The following QRICH1 variants were observed in gnomAD, a reference collection of about 807,000 sequenced individuals.
The protein encoded by QRICH1 is transcriptional regulator QRICH1.
Under a neutral mutation model 87.1 loss-of-function variants are expected in QRICH1, and 16 were observed. The observed-to-expected ratio is 0.18, with a 90% CI of 0.12 to 0.28. QRICH1 has a LOEUF of 0.28. Ranked by LOEUF, QRICH1 falls within the 10% of genes least tolerant of loss-of-function variation. QRICH1 has a pLI of 1.00. For synonymous variants in QRICH1, 367 were observed against 368.4 expected, an observed-to-expected ratio of 1.00 and a Z score of 0.05; for missense variants, 647 against 951.7, an observed-to-expected ratio of 0.68 and a Z score of 4.21.
At chr3:49,083,718 T>C (rs1205930177) in intron 1 of QRICH1, among the ~76,000 whole-genome samples, 1 of 151,652 alleles carries the variant, frequency 6.6e-6, no homozygotes, top group Non-Finnish European at 1.5e-5. Flanking sequence ...CAATGAGCTA[T>C]GATCATGCCA....
intron 9 of QRICH1, among the ~76,000 whole-genome samples, chr3:49,031,073 G>A (rs2093235093): frequency 2.1e-5 from 3 of 143,084 alleles, no homozygotes; most frequent in African/African-American, 2.6e-5. Flanking sequence ...TGCAACCTCC[G>A]CCCCCTTGGT....
intron 2 of QRICH1, among the ~76,000 whole-genome samples, chr3:49,067,850 C>T (rs943929169): frequency 5.3e-5 from 8 of 151,658 alleles, no homozygotes; most frequent in African/African-American, 4.8e-5. Flanking sequence ...GCTCAGAAGG[C>T]GGAGGCAGGA....
At position 49,030,441 on chromosome 3, in the gene QRICH1, G is replaced by A; in HGVS notation, c.*11C>T. 6.2e-7 allele frequency: 1 copy of A among 1,611,562 alleles called. No homozygotes were observed. The highest frequency in any genetic ancestry group is 8.5e-7 in the Non-Finnish European group (1 of 1,179,342). ...CCTGGCTGGTTTCTCTTGTGCCATG[G>A]CCAAGGCATCTCAGTGCATAGTGCT... On this transcript the variant is annotated 3_prime_UTR_variant, in exon 10 of 10. Transcript: ENST00000395443.
chr3:49,081,866 G>C (rs942092411), intron 1 of QRICH1, among the ~76,000 whole-genome samples: 1 of 151,260 alleles, frequency 6.6e-6, no homozygotes, highest in Admixed American at 6.6e-5. Context: ...GGAGTGCAGT[G>C]GCGTCATCTC....
intron 2 of QRICH1, among the ~76,000 whole-genome samples, chr3:49,059,647 C>A (rs1416650685): frequency 6.6e-6 from 1 of 151,280 alleles, no homozygotes; most frequent in Non-Finnish European, 1.5e-5. Context: ...TGGTCTCGAT[C>A]TCTTGACCTT....
rs2093408216 is a variant in QRICH1 at position 49,057,299 on chromosome 3, T to C, written c.901A>G (p.Ile301Val). The change falls in exon 3 of 10, where the codon ATT becomes GTT. Residue 301 changes from isoleucine (I) to valine (V), a missense_variant. Ile to Val is a conservative substitution (Grantham distance 29). This residue lies in a region of QRICH1 where 75 missense variants were observed against 141.0 expected (regional missense o/e 0.53). Coordinates refer to ENST00000395443, the MANE Select transcript of QRICH1 (RefSeq NM_198880.3). This position sits in a 1 kb window ranked among gnomAD's most constrained non-coding sequence, Gnocchi z 5.4. ...SAHLYSATGT[I>V]TSPTGETWTI... ...CAGGTTTCTCCTGTAGGGCTAGTAATGGTCCCAGTGGCACTGTACAGGTGG... is the reference window on the plus strand; with the variant it reads ...CAGGTTTCTCCTGTAGGGCTAGTAACGGTCCCAGTGGCACTGTACAGGTGG... The C allele has an allele frequency of 1.2e-6, 2 of 1,614,078 alleles. No individual in the cohort carries two copies. Among genetic ancestry groups the C allele is most frequent in the Admixed American group, 1.7e-5 (1 of 59,994 alleles).
rs902867710 is a variant in QRICH1 at position 49,046,002 on chromosome 3, A to G, written c.1671+423T>C. On this transcript the variant is annotated intron_variant, in intron 5 of 9. Transcript: ENST00000395443. The stretch of plus-strand genomic sequence containing the variant: ...GTGATCTCAGCTCATTGCAACCTCT[A>G]CCTCCCGGGTTCAAGCGATTCTCAT... Among the ~76,000 whole-genome samples the G allele has an allele frequency of 1.3e-3, 191 of 149,326 alleles. 3 individuals carry two copies. The highest frequency in any genetic ancestry group is 2.5e-4 in the African/African-American group (10 of 40,532).
At chr3:49,040,389 C>A (rs957618838) in intron 6 of QRICH1, among the ~76,000 whole-genome samples, 1 of 152,218 alleles carries the variant, frequency 6.6e-6, no homozygotes, top group African/African-American at 2.4e-5. Flanking sequence ...GGGAGGATAG[C>A]TGGAGCCCAG....
chr3:49,063,504 T>C (rs1256997105), intron 2 of QRICH1, among the ~76,000 whole-genome samples: 2 of 152,130 alleles, frequency 1.3e-5, no homozygotes, highest in Non-Finnish European at 2.9e-5. Flanking sequence ...AAGCCTGAAT[T>C]TGGGGCTGGG....
At chr3:49,036,837 C>T (rs566434645) in intron 6 of QRICH1, among the ~76,000 whole-genome samples, 5 of 151,874 alleles carry the variant, frequency 3.3e-5, no homozygotes, top group South Asian at 2.1e-4. Context: ...CCGAGGTGTG[C>T]GGAATGCCTA....
chr3:49,037,912 G>A (rs976471836), intron 6 of QRICH1, among the ~76,000 whole-genome samples: 1 of 152,086 alleles, frequency 6.6e-6, no homozygotes, highest in African/African-American at 2.4e-5. Context: ...GGAGGCGGAA[G>A]TTGCAGTGAG....
At chr3:49,037,685 T>C (rs976332017) in intron 6 of QRICH1, among the ~76,000 whole-genome samples, 2 of 146,250 alleles carry the variant, frequency 1.4e-5, no homozygotes, top group African/African-American at 2.6e-5. Flanking sequence ...TGAGCCGAGA[T>C]TGCACCACTG....
Position 49,048,736 on chromosome 3 carries a change from C to G in QRICH1, c.1339-1490G>C, listed in dbSNP as rs532506823. Reference sequence around the variant, plus strand: ...CCAGGAGGCGGAGCTTGCAGTGAGCCGAGATCGCACCACTGTACTCCAGCC... The same window carrying G: ...CCAGGAGGCGGAGCTTGCAGTGAGCGGAGATCGCACCACTGTACTCCAGCC... On this transcript the variant is annotated intron_variant, in intron 3 of 9. Coordinates refer to ENST00000395443, the MANE Select transcript of QRICH1 (RefSeq NM_198880.3). 4.5e-5 allele frequency among the ~76,000 whole-genome samples: 6 copies of G among 132,316 alleles called. No individual in the cohort carries two copies. The South Asian group carries it at 1.3e-3, about 28-fold the overall frequency. The allele number at this position is 132,316 out of a possible 152,430, so 86.8% of individuals were successfully genotyped here.
intron 7 of QRICH1, 124 bp from the exon 8 acceptor site, chr3:49,032,897 A>G: frequency 8.0e-7 from 1 of 1,249,000 alleles, no homozygotes; most frequent in Non-Finnish European, 1.1e-6. Context: ...GCAGGCCCGT[A>G]CCCAAGCAGT....
intron 6 of QRICH1, among the ~76,000 whole-genome samples, chr3:49,039,013 T>A (rs1338131888): frequency 1.3e-5 from 2 of 151,712 alleles, no homozygotes; most frequent in Non-Finnish European, 2.9e-5. Flanking sequence ...GAAGACAAAG[T>A]GAGACTCCAT....
intron 1 of QRICH1, among the ~76,000 whole-genome samples, chr3:49,080,433 G>A (rs1433459995): frequency 6.6e-6 from 1 of 151,290 alleles, no homozygotes; most frequent in Non-Finnish European, 1.5e-5. Context: ...CCAATACAAA[G>A]AAACACTGCT....
At chr3:49,064,325 T>C (rs1230328380) in intron 2 of QRICH1, among the ~76,000 whole-genome samples, 1 of 150,306 alleles carries the variant, frequency 6.7e-6, no homozygotes, top group South Asian at 2.1e-4. Flanking sequence ...AGTACAACTT[T>C]GTCTTCCCGG....
At chr3:49,071,704 T>G (rs1204755294) in intron 2 of QRICH1, among the ~76,000 whole-genome samples, 1 of 152,210 alleles carries the variant, frequency 6.6e-6, no homozygotes, top group Non-Finnish European at 1.5e-5. Flanking sequence ...TTTTCTCTTT[T>G]TTTGAGACAC....
chr3:49,039,494 A>G (rs946062335), intron 6 of QRICH1, among the ~76,000 whole-genome samples: 1 of 151,668 alleles, frequency 6.6e-6, no homozygotes, highest in Non-Finnish European at 1.5e-5. Flanking sequence ...CAGCCTGGAC[A>G]GGTGCCTGTA....
Sources: gnomAD v4.1 joint callset for allele counts (sites outside exome capture counted in the v4.1 genomes callset) on GRCh38, gnomAD v4.1.1 for gene constraint, gnomAD v4.1.1 regional missense constraint, Gnocchi (gnomAD v3.1) non-coding constraint, MANE v1.5 for transcripts, NCBI Gene and HGNC (gene_info 2026-07-23, HGNC 2026-07-21) for gene names.